SYNM: variants seen among roughly 807,000 people sequenced by gnomAD.
SYNM encodes the protein synemin.
Under a neutral mutation model 104.0 loss-of-function variants are expected in SYNM, and 95 were observed. The observed-to-expected ratio is 0.91, with a 90% CI of 0.77 to 1.08. SYNM has a LOEUF of 1.08. Ranked by LOEUF, SYNM falls within the 50% of genes least tolerant of loss-of-function variation. The pLI is 0.00. For missense variants in SYNM, 2,150 were observed against 2,052.2 expected (o/e 1.05, Z -0.92); for synonymous variants, 918 against 869.0 (o/e 1.06, Z -0.99).
chr15:99,129,870 G>A lies in SYNM; in HGVS notation c.1510G>A (p.Ala504Thr). Residue 504 changes from alanine (A) to threonine (T), a missense_variant, in exon 4 of 4, where the codon GCC (alanine) becomes ACC (threonine). By Grantham distance (58) the Ala-to-Thr change is moderately conservative. Transcript: ENST00000336292. The stretch of plus-strand genomic sequence containing the variant: ...TCTGGGAAAGAAAACAGAAGTGAAA[G>A]CCACGAGGGAGCAAGAAAGAAACAG... ...VILGKKTEVK[A>T]TREQERNRPE... 1.2e-6 allele frequency: 2 copies of A among 1,613,468 alleles called. No homozygotes were observed. The highest frequency in any genetic ancestry group is 2.2e-5 in the South Asian group (2 of 91,010).
At chr15:99,112,035 C>A (rs1260495925) in intron 1 of SYNM, among the ~76,000 whole-genome samples, 1 of 152,198 alleles carries the variant, frequency 6.6e-6, no homozygotes, top group East Asian at 1.9e-4. Flanking sequence ...GGTGACAGAG[C>A]GAGACTGTCT....
intron 2 of SYNM, 126 bp from the exon 3 acceptor site, chr15:99,126,596 C>T: frequency 4.2e-6 from 4 of 963,586 alleles, no homozygotes; most frequent in Admixed American, 4.6e-5. Flanking sequence ...CAAGTCTCCT[C>T]TTCAGGTAGA....
At chr15:99,129,338 T>C (rs781884023) in intron 3 of SYNM, 29 bp from the exon 4 acceptor site, 2 of 1,601,844 alleles carry the variant, frequency 1.2e-6, no homozygotes, top group Non-Finnish European at 1.7e-6. Context: ...GACTGTCATT[T>C]TAATGAATGC....
intron 2 of SYNM, among the ~76,000 whole-genome samples, chr15:99,125,195 C>G (rs1388196852): frequency 2.0e-5 from 3 of 152,224 alleles, no homozygotes; most frequent in African/African-American, 7.2e-5. Flanking sequence ...TCTCCCCACG[C>G]CCTGCCCTGG....
downstream of SYNM, chr15:99,139,342 G>C: frequency 6.2e-7 from 1 of 1,613,728 alleles, no homozygotes; most frequent in Non-Finnish European, 8.5e-7. Context: ...ATGGCCTGCT[G>C]GGTGGCCAGA....
chr15:99,126,718 A>T lies in SYNM; in HGVS notation c.936-4A>T. On this transcript the variant is annotated splice_polypyrimidine_tract_variant and splice_region_variant and intron_variant, in intron 2 of 3. Coordinates refer to ENST00000336292, the MANE Select transcript of SYNM (RefSeq NM_145728.3). ...TGAATTATGTTTGTAAATTATTTTT[A>T]CAGGGCCTTATTGGAAGGAGAAAGT... The T allele has an allele frequency of 6.4e-7, 1 of 1,573,318 alleles. No individual in the cohort carries two copies.
chr15:99,123,673 T>C (rs2067422138), intron 2 of SYNM, among the ~76,000 whole-genome samples: 1 of 152,202 alleles, frequency 6.6e-6, no homozygotes, highest in African/African-American at 2.4e-5. Flanking sequence ...CCCTTTCTTC[T>C]CTGCACTTCT....
In SYNM at chr15:99,130,907, G is replaced by A. The variant is rs1173851984; in HGVS notation, c.2547G>A (p.Val849=). 4 of 1,613,970 alleles carry A rather than the reference G, an allele frequency of 2.5e-6. No individual in the cohort carries two copies. In the Middle Eastern group the frequency reaches 4.9e-4, roughly 200 times the overall value. The part of the protein sequence containing the change: ...PGGHDRDDGS[V]YGQIHIEEES... ...GGCACGACAGAGATGACGGCTCGGT[G>A]TACGGGCAGATCCACATCGAGGAGG... is the stretch of plus-strand genomic sequence containing the variant. The change falls in exon 4 of 4, where the codon GTG becomes GTA. Residue 849 remains valine, a synonymous_variant. Transcript: ENST00000336292.
In SYNM at chr15:99,118,659, G is replaced by A. The variant is rs567811372; in HGVS notation, c.935+4944G>A. Among the ~76,000 whole-genome samples, 3 of 152,212 alleles carry A rather than the reference G, an allele frequency of 2.0e-5. No individual in the cohort carries two copies. In the South Asian group the frequency reaches 6.2e-4, roughly 32 times the overall value. ...CATAAAATAATATAATTGTATACTT[G>A]TAATTTCCAGAGAGACTTGCAATTT... On this transcript the variant is annotated intron_variant, in intron 2 of 3. Coordinates refer to ENST00000336292, the MANE Select transcript of SYNM (RefSeq NM_145728.3).
chr15:99,107,611 C>G (rs1191351205), intron 1 of SYNM, among the ~76,000 whole-genome samples: 2 of 152,174 alleles, frequency 1.3e-5, no homozygotes, highest in African/African-American at 4.8e-5. Context: ...TTCCAGTGTT[C>G]TTTCTTAGCG....
rs781818853 is a variant in SYNM at position 99,105,391 on chromosome 15, G to C, written c.192G>C (p.Ala64=). Residue 64 remains alanine (A), a synonymous_variant, in exon 1 of 4, where the codon GCG becomes GCC. Transcript: ENST00000336292. Reference sequence around the variant, plus strand: ...GGCAGGCCCGCTGCGCCGAGGAGGCGCGCAGCTTGCGGCAGCAGCTGGACG... The same window carrying C: ...GGCAGGCCCGCTGCGCCGAGGAGGCCCGCAGCTTGCGGCAGCAGCTGGACG... ...AEGQARCAEE[A]RSLRQQLDEL... The C allele has an allele frequency of 6.6e-7, 1 of 1,512,536 alleles. No homozygotes were observed. Among genetic ancestry groups the C allele is most frequent in the African/African-American group, 1.4e-5 (1 of 69,894 alleles). 93.7% of individuals were successfully genotyped at this position (1,512,536 alleles called of 1,614,324 possible).
At chr15:99,109,100 T>C (rs57791697) in intron 1 of SYNM, among the ~76,000 whole-genome samples, 4,140 of 152,276 alleles carry the variant, frequency 0.027, 189 homozygotes, top group African/African-American at 0.095. Context: ...CTTCTGTGGC[T>C]CAAGGGGGAA....
At chr15:99,111,634 G>A (rs1056894608) in intron 1 of SYNM, among the ~76,000 whole-genome samples, 13 of 152,202 alleles carry the variant, frequency 8.5e-5, no homozygotes, top group Non-Finnish European at 1.6e-4. Flanking sequence ...AAGCTAAGGG[G>A]TTTTAAACTA....
In SYNM at chr15:99,133,878, T is replaced by C. The variant is rs2067537868; in HGVS notation, c.*820T>C. ...CCAGTTCCTATCAGACTGTGCAGAC[T>C]TGCGCTTCTCTGCACCTTATCCCTT... is the stretch of plus-strand genomic sequence containing the variant. On this transcript the variant is annotated 3_prime_UTR_variant, in exon 4 of 4. Coordinates refer to ENST00000336292, the MANE Select transcript of SYNM (RefSeq NM_145728.3). The C allele has an allele frequency of 6.6e-6, 1 of 152,312 alleles. No homozygotes were observed. Among genetic ancestry groups the C allele is most frequent in the South Asian group, 2.1e-4 (1 of 4,832 alleles). The allele number at this position is 152,312 out of a possible 1,614,324, so 9.4% of individuals were successfully genotyped here.
chr15:99,129,230 A>G (rs1422768933), intron 3 of SYNM, 137 bp from the exon 4 acceptor site: 1 of 1,286,720 alleles, frequency 7.8e-7, no homozygotes, highest in South Asian at 1.6e-5. Flanking sequence ...AATATAACTT[A>G]TCTTTATAAT....
chr15:99,108,689 A>C (rs1346107842), intron 1 of SYNM, among the ~76,000 whole-genome samples: 1 of 152,186 alleles, frequency 6.6e-6, no homozygotes, highest in African/African-American at 2.4e-5. Flanking sequence ...GCTCCATTTT[A>C]CAGAGGAGGA....
Position 99,105,894 on chromosome 15 carries a change from A to T in SYNM, c.695A>T (p.Gln232Leu), listed in dbSNP as rs782304866. The change falls in exon 1 of 4, where the codon CAG becomes CTG. Residue 232 changes from glutamine to leucine, a missense_variant. By Grantham distance (113) the Gln-to-Leu change is moderately radical. Transcript: ENST00000336292. ...GAGGAAGAGACGCGGCTGTGCGCGC[A>T]GGAGGCAGAGGCGCTGCGGCGCGAG... ...QAEEETRLCAQEAEALRREAL... is the reference protein window; with the variant it reads ...QAEEETRLCALEAEALRREAL... 2.6e-6 allele frequency: 4 copies of T among 1,536,328 alleles called. No individual in the cohort carries two copies. The highest frequency in any genetic ancestry group is 2.8e-5 in the African/African-American group (2 of 72,000).
chr15:99,120,581 T>C (rs1555484421), intron 2 of SYNM, among the ~76,000 whole-genome samples: 1 of 152,132 alleles, frequency 6.6e-6, no homozygotes, highest in African/African-American at 2.4e-5. Flanking sequence ...CAGGATACGA[T>C]GCTGGGTGGG....
intron 1 of SYNM, among the ~76,000 whole-genome samples, chr15:99,107,976 TTTTG>T (rs2067265538): frequency 6.7e-6 from 1 of 149,626 alleles, no homozygotes; most frequent in African/African-American, 2.5e-5. Flanking sequence ...TTGGTTTTGG[TTTTG>T]GTTTTGGTTT....
Sources: gnomAD v4.1 joint callset for allele counts (sites outside exome capture counted in the v4.1 genomes callset) on GRCh38, gnomAD v4.1.1 for gene constraint, MANE v1.5 for transcripts, NCBI Gene and HGNC (gene_info 2026-07-23, HGNC 2026-07-21) for gene names.